SEM1: variants seen among roughly 807,000 people sequenced by gnomAD.
SEM1 encodes 26S proteasome complex subunit SEM1.
A neutral mutation model predicts 12.7 loss-of-function variants in SEM1; 3 were observed. The ratio of observed to expected loss-of-function variants is 0.24; its 90% CI spans 0.11 to 0.61. SEM1 has a LOEUF of 0.61. Among genes scored for constraint, SEM1 ranks in the 20% least tolerant of loss-of-function variants. The probability of loss-of-function intolerance (pLI) is 0.88; values close to 1 mark genes in which losing one functional copy is unlikely to be tolerated. For synonymous variants in SEM1, 30 were observed against 27.8 expected (o/e 1.08, Z -0.25); for missense variants, 59 against 81.3 (o/e 0.73, Z 1.06).
At chr7:96,601,003 A>G (rs1807181254) in intron 2 of SEM1, among the ~76,000 whole-genome samples, 1 of 152,178 alleles carries the variant, frequency 6.6e-6, no homozygotes, top group South Asian at 2.1e-4. Flanking sequence ...GATTGGGTAG[A>G]CCAGGGATGT....
intron 2 of SEM1, among the ~76,000 whole-genome samples, chr7:96,680,479 C>T (rs967472281): frequency 1.3e-4 from 20 of 151,994 alleles, no homozygotes; most frequent in African/African-American, 3.9e-4. Flanking sequence ...AGGGGTGTGC[C>T]GGCCCAGGCA....
At chr7:96,522,472 T>C (rs1196884651) in intron 2 of SEM1, among the ~76,000 whole-genome samples, 2 of 151,974 alleles carry the variant, frequency 1.3e-5, no homozygotes, top group African/African-American at 4.8e-5. Context: ...GCTTTGCATT[T>C]TTGCCTTCAT....
At chr7:96,693,790 G>GTGTGTGTGTGTGTA (rs1023821213) in intron 2 of SEM1, among the ~76,000 whole-genome samples, 24 of 145,546 alleles carry the variant, frequency 1.6e-4, no homozygotes, top group African/African-American at 6.3e-4. Context: ...GTGTGTGTGT[G>GTGTGTGTGTGTGTA]TATATATATA....
intron 2 of SEM1, among the ~76,000 whole-genome samples, chr7:96,515,815 G>T (rs1804076830): frequency 6.6e-6 from 1 of 152,102 alleles, no homozygotes; most frequent in Admixed American, 6.5e-5. Context: ...TCATAAGTAG[G>T]AGCTGAACAA....
chr7:96,511,148 C>T (rs570219132), intron 2 of SEM1, among the ~76,000 whole-genome samples: 1 of 152,204 alleles, frequency 6.6e-6, no homozygotes, highest in East Asian at 1.9e-4. Flanking sequence ...AATACTACCA[C>T]CTCAGGAATT....
chr7:96,617,779 G>T (rs139773855), downstream of SEM1, among the ~76,000 whole-genome samples: 3 of 152,174 alleles, frequency 2.0e-5, no homozygotes, highest in Non-Finnish European at 4.4e-5. Flanking sequence ...TACTTTTTCT[G>T]CATATATTGA....
At chr7:96,610,247 A>G (rs62470362) in intron 2 of SEM1, among the ~76,000 whole-genome samples, 80 of 152,136 alleles carry the variant, frequency 5.3e-4, no homozygotes, top group Non-Finnish European at 9.4e-4. Flanking sequence ...TTACAGGTGC[A>G]TGCCACCATG....
intron 2 of SEM1, among the ~76,000 whole-genome samples, chr7:96,533,677 C>T (rs1804706699): frequency 6.6e-6 from 1 of 151,968 alleles, no homozygotes; most frequent in African/African-American, 2.4e-5. Flanking sequence ...TTTTCAAAGT[C>T]CCTGGAGTCC....
intron 2 of SEM1, among the ~76,000 whole-genome samples, chr7:96,623,571 A>G (rs1293053251): frequency 6.8e-6 from 1 of 148,004 alleles, no homozygotes; most frequent in Non-Finnish European, 1.5e-5. Flanking sequence ...TAAAATATGT[A>G]CTTGTTTATT....
intron 2 of SEM1, among the ~76,000 whole-genome samples, chr7:96,537,255 A>G (rs1444190778): frequency 2.0e-5 from 3 of 151,694 alleles, no homozygotes; most frequent in African/African-American, 7.2e-5. Context: ...TCTATATGTT[A>G]TAATCACCGA....
downstream of SEM1, among the ~76,000 whole-genome samples, chr7:96,683,849 G>T (rs1020560587): frequency 2.0e-5 from 3 of 152,054 alleles, no homozygotes; most frequent in Non-Finnish European, 4.4e-5. Context: ...ATGGACACAG[G>T]GAGGAGATCA....
At chr7:96,523,973 C>T (rs534502247) in intron 2 of SEM1, among the ~76,000 whole-genome samples, 6 of 152,194 alleles carry the variant, frequency 3.9e-5, no homozygotes, top group South Asian at 2.1e-4. Flanking sequence ...TTCCCTTGGA[C>T]GTTCACAATA....
At chr7:96,700,049 A>G (rs1364884548) in intron 1 of SEM1, among the ~76,000 whole-genome samples, 3 of 152,218 alleles carry the variant, frequency 2.0e-5, no homozygotes, top group African/African-American at 7.2e-5. Context: ...TATAAAACTT[A>G]TACCTCAAAG....
At chr7:96,530,180 A>G (rs1482432233) in intron 2 of SEM1, among the ~76,000 whole-genome samples, 1 of 152,104 alleles carries the variant, frequency 6.6e-6, no homozygotes, top group Admixed American at 6.6e-5. Context: ...TTGCTAGGAA[A>G]GGCCATAGCT....
Position 96,541,067 on chromosome 7 carries a change from G to A in SEM1, c.171-34369C>T, listed in dbSNP as rs114282799. On this transcript the variant is annotated intron_variant and NMD_transcript_variant, in intron 2 of 3. Coordinates refer to the SEM1 transcript ENST00000466986. ...AATATGTGAGTGCCTGGGTCTTTTT[G>A]GTGGAATGATTTATTTTCCTTTGGG... Among the ~76,000 whole-genome samples, 847 of 151,856 alleles carry A rather than the reference G, an allele frequency of 5.6e-3. 7 individuals carry two copies. The highest frequency in any genetic ancestry group is 0.02 in the African/African-American group (815 of 41,486).
intron 2 of SEM1, among the ~76,000 whole-genome samples, chr7:96,587,162 GA>G (rs1806666495): frequency 6.6e-6 from 1 of 152,108 alleles, no homozygotes; most frequent in Admixed American, 6.6e-5. Flanking sequence ...AGATTAAAGA[GA>G]TTTTTTTAAA....
downstream of SEM1, among the ~76,000 whole-genome samples, chr7:96,620,355 A>C (rs1297589429): frequency 6.6e-6 from 1 of 152,066 alleles, no homozygotes; most frequent in African/African-American, 2.4e-5. Context: ...TGTCTCCTAG[A>C]ATCAGTGCAG....
At chr7:96,544,454 CAT>C (rs138147142) in intron 2 of SEM1, among the ~76,000 whole-genome samples, 66 of 152,006 alleles carry the variant, frequency 4.3e-4, no homozygotes, top group African/African-American at 1.5e-3. Context: ...GCTTAAATAA[CAT>C]ATCTTTGTTT....
At chr7:96,484,119 CTG>C in intron 3 of SEM1, 1 of 885,362 alleles carries the variant, frequency 1.1e-6, no homozygotes, top group Non-Finnish European at 1.7e-6. Context: ...GATGAGAAAA[CTG>C]AGGTATAACT....
Sources: allele counts gnomAD v4.1 joint callset (sites outside exome capture counted in the v4.1 genomes callset), GRCh38; gene constraint gnomAD v4.1.1; transcripts MANE v1.5; gene names NCBI Gene and HGNC (gene_info 2026-07-23, HGNC 2026-07-21).